Variants in PCLO observed in about 807,000 individuals in gnomAD.
PCLO encodes the protein piccolo presynaptic cytomatrix protein.
Under a neutral mutation model 427.5 loss-of-function variants are expected in PCLO, and 82 were observed. The ratio of observed to expected loss-of-function variants is 0.19; its 90% CI spans 0.16 to 0.23. The LOEUF (loss-of-function observed/expected upper bound fraction) is 0.23, where lower values mean the gene tolerates loss of function less well. Ranked by LOEUF, PCLO falls within the 10% of genes least tolerant of loss-of-function variation. The pLI, the probability that PCLO is intolerant of heterozygous loss-of-function variation, is 1.00. For missense variants in PCLO, 6,239 were observed against 6,115.9 expected (o/e 1.02, Z -0.67); for synonymous variants, 2,357 against 2,155.4 (o/e 1.09, Z -2.59).
intron 10 of PCLO, among the ~76,000 whole-genome samples, chr7:82,866,920 G>A (rs1368810411): frequency 2.0e-5 from 3 of 152,074 alleles, no homozygotes; most frequent in Non-Finnish European, 4.4e-5. Flanking sequence ...ACTACCTGAA[G>A]GTTAGTTGGA....
chr7:83,103,567 A>G (rs184951406), intron 3 of PCLO, among the ~76,000 whole-genome samples: 6 of 152,060 alleles, frequency 3.9e-5, no homozygotes, highest in Admixed American at 2.6e-4. Flanking sequence ...GTCTTAACCT[A>G]TGCATACTTA....
At chr7:83,102,058 T>C (rs549755988) in intron 3 of PCLO, among the ~76,000 whole-genome samples, 9 of 152,064 alleles carry the variant, frequency 5.9e-5, no homozygotes, top group African/African-American at 1.7e-4. Flanking sequence ...AAAATTGTTA[T>C]ATGCCTTGTA....
rs926325268 is a variant in PCLO at position 83,074,179 on chromosome 7, G to A, written c.3300+60071C>T. 9.9e-5 allele frequency among the ~76,000 whole-genome samples: 15 copies of A among 151,938 alleles called. 1 individual carries two copies. The highest frequency in any genetic ancestry group is 7.9e-4 in the Admixed American group (12 of 15,248). On this transcript the variant is annotated intron_variant, in intron 3 of 24. Transcript: ENST00000333891. Reference sequence around the variant, plus strand: ...CCTTGTAAAATTTCTAGTATCTAATGTGTGAAATACATTTACTATTTTTTA... The same window carrying A: ...CCTTGTAAAATTTCTAGTATCTAATATGTGAAATACATTTACTATTTTTTA...
rs1491554077 is a variant in PCLO at position 82,843,688 on chromosome 7, A to AAC, written c.14046+1582_14046+1583insGT. Among the ~76,000 whole-genome samples, 10 of 145,526 alleles carry AAC rather than the reference A, an allele frequency of 6.9e-5. No individual in the cohort carries two copies. The South Asian group carries it at 2.0e-3, about 29-fold the overall frequency. On this transcript the variant is annotated intron_variant, in intron 13 of 24. Transcript: ENST00000333891. The stretch of plus-strand genomic sequence containing the variant: ...TCATTTTTTTTTTTTTTTTGGAGAC[A>AAC]GAGTCTCACTCTGTCCCCTCCGGCT...
At chr7:82,793,333 G>T (rs1481669580) in intron 22 of PCLO, among the ~76,000 whole-genome samples, 1 of 152,098 alleles carries the variant, frequency 6.6e-6, no homozygotes, top group African/African-American at 2.4e-5. Flanking sequence ...CGACGCTCAG[G>T]TGAAGATGCA....
intron 3 of PCLO, among the ~76,000 whole-genome samples, chr7:83,124,888 G>T (rs949222083): frequency 5.3e-5 from 8 of 152,092 alleles, no homozygotes; most frequent in Non-Finnish European, 8.8e-5. Context: ...CCGAGTGCCT[G>T]GGATTGCAGG....
intron 2 of PCLO, among the ~76,000 whole-genome samples, chr7:83,150,537 G>A (rs982504437): frequency 6.6e-6 from 1 of 152,130 alleles, no homozygotes; most frequent in African/African-American, 2.4e-5. Context: ...GTGATGATTC[G>A]TGAGTTTGGA....
At chr7:82,781,456 AC>A (rs905276538) in intron 22 of PCLO, among the ~76,000 whole-genome samples, 2 of 69,004 alleles carry the variant, frequency 2.9e-5, no homozygotes, top group Admixed American at 1.4e-4. Flanking sequence ...TTGCCCCCCC[AC>A]CCCCCAACAG....
At chr7:83,043,156 T>G (rs1789013627) in intron 3 of PCLO, among the ~76,000 whole-genome samples, 2 of 152,128 alleles carry the variant, frequency 1.3e-5, no homozygotes, top group African/African-American at 4.8e-5. Flanking sequence ...CCTCCAGACA[T>G]TCCCAAATAT....
At chr7:82,821,045 T>G (rs1409665803) in intron 20 of PCLO, 2 of 1,186,998 alleles carry the variant, frequency 1.7e-6, no homozygotes, top group Non-Finnish European at 2.1e-6. Context: ...CTCTAAAAAT[T>G]AAAGATGAGA....
At chr7:82,946,178 G>T (rs916158171) in intron 6 of PCLO, among the ~76,000 whole-genome samples, 1 of 152,188 alleles carries the variant, frequency 6.6e-6, no homozygotes, top group African/African-American at 2.4e-5. Context: ...GACTTGCTAA[G>T]ATTTCATTGT....
At chr7:83,143,326 C>T (rs916352543) in intron 2 of PCLO, among the ~76,000 whole-genome samples, 2 of 152,160 alleles carry the variant, frequency 1.3e-5, no homozygotes, top group African/African-American at 4.8e-5. Flanking sequence ...TATTCATATT[C>T]ATGCATAATT....
rs554684988 is a variant in PCLO, at chr7:82,825,963, AG to A, written c.14415+625del. On this transcript the variant is annotated intron_variant, in intron 18 of 24. Transcript: ENST00000333891. ...TATATAAACAATGTATATATATAAT[AG>A]ATTAAAAATCACAAGATCTGTTCAT... 1.6e-3 allele frequency among the ~76,000 whole-genome samples: 236 copies of A among 149,552 alleles called. 2 individuals carry two copies. The highest frequency in any genetic ancestry group is 5.6e-3 in the Middle Eastern group (1 of 178).
rs1357739037 is a variant in PCLO at position 83,028,712 on chromosome 7, A to G, written c.3301-62225T>C. 2.9e-3 allele frequency among the ~76,000 whole-genome samples: 442 copies of G among 151,584 alleles called. 1 individual carries two copies. Among genetic ancestry groups the G allele is most frequent in the Non-Finnish European group, 4.5e-3 (302 of 67,826 alleles). On this transcript the variant is annotated intron_variant, in intron 3 of 24. Coordinates refer to ENST00000333891, the MANE Select transcript of PCLO (RefSeq NM_033026.6). Reference sequence around the variant, plus strand: ...ACGCTACCTGACTTCAAACTATACCACAAGGCTACAGTAACCAAAACAGCA... The same window carrying G: ...ACGCTACCTGACTTCAAACTATACCGCAAGGCTACAGTAACCAAAACAGCA...
At chr7:82,840,853 A>C (rs958131667) in intron 14 of PCLO, among the ~76,000 whole-genome samples, 1 of 151,950 alleles carries the variant, frequency 6.6e-6, no homozygotes, top group Non-Finnish European at 1.5e-5. Context: ...GGTATCACCT[A>C]AGGTGCAGGT....
intron 10 of PCLO, among the ~76,000 whole-genome samples, chr7:82,850,288 C>T (rs980328721): frequency 4.6e-5 from 7 of 152,014 alleles, no homozygotes; most frequent in East Asian, 1.9e-4. Flanking sequence ...GGATTACAGG[C>T]GTGAGCCACC....
At position 83,094,210 on chromosome 7, in the gene PCLO, C is replaced by CTT. The variant is rs767490139; in HGVS notation, c.3300+40038_3300+40039dup. ...AACCTTTTGGGACTGATTTTTTTTT[C>CTT]TTTTTTTTTTTTTTTTTGAGACAGA... On this transcript the variant is annotated intron_variant, in intron 3 of 24. Transcript: ENST00000333891. Among the ~76,000 whole-genome samples the CTT allele has an allele frequency of 7.0e-3, 880 of 125,988 alleles. 24 individuals carry two copies. The highest frequency in any genetic ancestry group is 0.01 in the Non-Finnish European group (642 of 62,284). 82.7% of individuals were successfully genotyped at this position (125,988 alleles called of 152,430 possible).
intron 15 of PCLO, 87 bp downstream of exon 15, chr7:82,838,131 T>C (rs1792274046): frequency 1.1e-6 from 1 of 893,938 alleles, no homozygotes; most frequent in Non-Finnish European, 1.7e-6. Flanking sequence ...ATAAAGTCAA[T>C]TAAAATGAGG....
rs140587220 is a variant in PCLO, at chr7:83,134,701, C to T, written c.2849G>A (p.Gly950Asp). ...SQASNLISTA[G>D]QPGPHSQSGP... Reference sequence around the variant, plus strand: ...ACTTTGTGAATGAGGTCCAGGTTGGCCTGCAGTGGAAATTAAATTTGATGC... The same window carrying T: ...ACTTTGTGAATGAGGTCCAGGTTGGTCTGCAGTGGAAATTAAATTTGATGC... Residue 950 changes from glycine to aspartate, a missense_variant, in exon 3 of 25, where the codon GGC becomes GAC. Gly to Asp is a moderately conservative substitution (Grantham distance 94). Around this residue, in one of 5 missense-constraint regions of PCLO, gnomAD observed 4,677 missense variants for 4,468.4 expected, o/e 1.05. Transcript: ENST00000333891. 1 of 1,613,660 alleles carries T rather than the reference C, an allele frequency of 6.2e-7. No individual in the cohort carries two copies. Among genetic ancestry groups the T allele is most frequent in the African/African-American group, 1.3e-5 (1 of 74,972 alleles).
Sources: allele counts gnomAD v4.1 joint callset (sites outside exome capture counted in the v4.1 genomes callset), GRCh38; gene constraint gnomAD v4.1.1; regional missense constraint gnomAD v4.1.1; transcripts MANE v1.5; gene names NCBI Gene and HGNC (gene_info 2026-07-23, HGNC 2026-07-21).